Variants in CDH12 observed in about 807,000 individuals in gnomAD.
CDH12 encodes cadherin 12.
CDH12 carries 41 observed loss-of-function variants against 74.1 expected under a neutral mutation model. The observed-to-expected ratio is 0.55, with a 90% confidence interval of 0.43 to 0.72. CDH12 has a LOEUF of 0.72. CDH12 is among the 30% of genes least tolerant of loss of function. CDH12 has a pLI of 0.00. For missense variants in CDH12, 945 were observed against 977.2 expected (o/e 0.97, Z 0.44); for synonymous variants, 399 against 355.0 (o/e 1.12, Z -1.39).
chr5:22,820,392 C>T (rs1044812696), intron 1 of CDH12, among the ~76,000 whole-genome samples: 6 of 152,040 alleles, frequency 3.9e-5, no homozygotes, highest in African/African-American at 1.4e-4. Context: ...CTTTCCTGTA[C>T]TGTTCTCATG....
intron 7 of CDH12, among the ~76,000 whole-genome samples, chr5:21,843,248 A>G (rs986443370): frequency 6.6e-6 from 1 of 152,164 alleles, no homozygotes; most frequent in Non-Finnish European, 1.5e-5. Context: ...TTCTTCCTTT[A>G]AGAAACATGC....
chr5:22,525,282 G>T (rs1413620185), intron 1 of CDH12, among the ~76,000 whole-genome samples: 5 of 152,092 alleles, frequency 3.3e-5, no homozygotes, highest in African/African-American at 1.2e-4. Context: ...ATGTGCATGT[G>T]TCTTTATAGC....
chr5:22,212,843 G>A, intron 3 of CDH12, 200 bp from the exon 4 acceptor site: 1 of 153,272 alleles, frequency 6.5e-6, no homozygotes. Context: ...GGCAACACAC[G>A]CCGAGGGTTG....
intron 6 of CDH12, among the ~76,000 whole-genome samples, chr5:21,968,014 G>C (rs4028729): frequency 3.3e-5 from 5 of 152,138 alleles, no homozygotes; most frequent in African/African-American, 9.7e-5. Context: ...TCTACACCAA[G>C]GAAAATGTAA....
intron 2 of CDH12, among the ~76,000 whole-genome samples, chr5:22,435,045 G>C (rs1744322019): frequency 6.6e-6 from 1 of 152,146 alleles, no homozygotes; most frequent in Admixed American, 6.6e-5. Context: ...TGGATTGAAG[G>C]ATGCAAAGTA....
At chr5:22,459,953 G>C (rs111694356) in intron 2 of CDH12, among the ~76,000 whole-genome samples, 5 of 152,244 alleles carry the variant, frequency 3.3e-5, no homozygotes, top group African/African-American at 9.6e-5. Flanking sequence ...GGGCAACAGA[G>C]TGAGGCTTCA....
At chr5:21,924,361 C>A (rs967232307) in intron 6 of CDH12, among the ~76,000 whole-genome samples, 5 of 151,958 alleles carry the variant, frequency 3.3e-5, no homozygotes, top group Non-Finnish European at 7.4e-5. Flanking sequence ...ACTAAAAATA[C>A]AAAAATTAGC....
intron 3 of CDH12, among the ~76,000 whole-genome samples, chr5:22,287,423 A>C (rs897302510): frequency 6.6e-6 from 1 of 152,108 alleles, no homozygotes. Flanking sequence ...TATAAAATTA[A>C]TTTAATAAAA....
At chr5:22,444,027 A>G (rs1353343635) in intron 2 of CDH12, among the ~76,000 whole-genome samples, 2 of 152,152 alleles carry the variant, frequency 1.3e-5, no homozygotes, top group African/African-American at 4.8e-5. Context: ...TTGAGTGATT[A>G]TCAATTTTCA....
chr5:21,956,108 AT>A (rs1220585780), intron 6 of CDH12, among the ~76,000 whole-genome samples: 1 of 152,122 alleles, frequency 6.6e-6, no homozygotes, highest in Non-Finnish European at 1.5e-5. Context: ...TTAGTATTAT[AT>A]TGTAGATGAA....
intron 1 of CDH12, among the ~76,000 whole-genome samples, chr5:22,780,906 C>CAGCT (rs1247895434): frequency 6.6e-6 from 1 of 152,096 alleles, no homozygotes; most frequent in East Asian, 1.9e-4. Flanking sequence ...GTAATAGGAA[C>CAGCT]AGCTCACTGT....
chr5:22,174,755 A>C (rs1749235396), intron 4 of CDH12, among the ~76,000 whole-genome samples: 1 of 151,996 alleles, frequency 6.6e-6, no homozygotes, highest in South Asian at 2.1e-4. Flanking sequence ...AACCGAATCC[A>C]CCACACTCTG....
At chr5:22,595,615 A>T (rs1451963114) in intron 1 of CDH12, among the ~76,000 whole-genome samples, 1 of 152,172 alleles carries the variant, frequency 6.6e-6, no homozygotes, top group Non-Finnish European at 1.5e-5. Flanking sequence ...TCTTCCACAC[A>T]TCTCCTATGC....
intron 5 of CDH12, among the ~76,000 whole-genome samples, chr5:22,074,618 A>G (rs1459327735): frequency 2.0e-5 from 3 of 152,200 alleles, no homozygotes; most frequent in Non-Finnish European, 2.9e-5. Context: ...AACTTACAAG[A>G]AAACAACAAC....
intron 3 of CDH12, among the ~76,000 whole-genome samples, chr5:22,326,527 G>T (rs1048487959): frequency 6.6e-6 from 1 of 152,144 alleles, no homozygotes; most frequent in East Asian, 1.9e-4. Flanking sequence ...GAGCCACCGC[G>T]CCCGGCCTCC....
At chr5:21,804,318 C>T (rs1747305497) in intron 9 of CDH12, among the ~76,000 whole-genome samples, 1 of 152,010 alleles carries the variant, frequency 6.6e-6, no homozygotes, top group East Asian at 1.9e-4. Context: ...AGAGGATCAC[C>T]CAGTGATGTT....
At chr5:22,137,372 A>AT (rs1398628500) in intron 4 of CDH12, among the ~76,000 whole-genome samples, 1 of 151,890 alleles carries the variant, frequency 6.6e-6, no homozygotes, top group Admixed American at 6.6e-5. Flanking sequence ...CTCCCTAAAG[A>AT]TTTTTTGAGT....
At chr5:21,889,791 C>T (rs1752814424) in intron 6 of CDH12, 2 of 984,870 alleles carry the variant, frequency 2.0e-6, no homozygotes, top group African/African-American at 3.5e-5. Flanking sequence ...AAAAGCAATA[C>T]TACTATTTCT....
At chr5:22,163,844 T>TC (rs1310026624) in intron 4 of CDH12, among the ~76,000 whole-genome samples, 1 of 152,242 alleles carries the variant, frequency 6.6e-6, no homozygotes, top group African/African-American at 2.4e-5. Flanking sequence ...GGTCATTTTT[T>TC]CATCTCACTG....
Sources: gnomAD v4.1 joint callset for allele counts (sites outside exome capture counted in the v4.1 genomes callset) on GRCh38, gnomAD v4.1.1 for gene constraint, MANE v1.5 for transcripts, NCBI Gene and HGNC (gene_info 2026-07-23, HGNC 2026-07-21) for gene names.